The following ST6GAL1 variants were observed in gnomAD, a reference collection of about 807,000 sequenced individuals.
ST6GAL1 encodes ST6 beta-galactoside alpha-2,6-sialyltransferase 1, also known as beta-galactoside alpha-2,6-sialyltransferase 1.
ST6GAL1 carries 20 observed loss-of-function variants against 38.0 expected under a neutral mutation model. That is an observed-to-expected ratio of 0.53 (90% CI 0.37 to 0.77). The LOEUF (loss-of-function observed/expected upper bound fraction) is 0.77. Ranked by LOEUF, ST6GAL1 falls within the 30% of genes least tolerant of loss-of-function variation. The pLI is 0.00. For missense variants in ST6GAL1, 432 were observed against 496.4 expected (o/e 0.87, Z 1.23); for synonymous variants, 196 against 188.2 (o/e 1.04, Z -0.34).
At chr3:186,960,439 G>A (rs989839032) in intron 1 of ST6GAL1, among the ~76,000 whole-genome samples, 1 of 152,198 alleles carries the variant, frequency 6.6e-6, no homozygotes, top group Non-Finnish European at 1.5e-5. Flanking sequence ...GGAAAGTAGA[G>A]AGACCAAATC....
In ST6GAL1 at chr3:186,972,948, G is replaced by A. The variant is rs553661231; in HGVS notation, c.-183+9022G>A. 3.9e-5 allele frequency among the ~76,000 whole-genome samples: 6 copies of A among 152,292 alleles called. No individual in the cohort carries two copies. In the South Asian group the frequency reaches 1.2e-3, roughly 32 times the overall value. On this transcript the variant is annotated intron_variant, in intron 2 of 7. Transcript: ENST00000169298. The stretch of plus-strand genomic sequence containing the variant: ...TTCCAGGGGGAATGGAGAGGTCTTT[G>A]GAGACCTGCATTGGCCATGGGCTCC...
At position 187,075,163 on chromosome 3, in the gene ST6GAL1, A is replaced by C. The variant is rs982079035; in HGVS notation, c.980-399A>C. ...TCCAAGAGGTTCTGCAGGATGTCACAGTGCTAGAAAGTGCTAACTACACAT... is the reference window on the plus strand; with the variant it reads ...TCCAAGAGGTTCTGCAGGATGTCACCGTGCTAGAAAGTGCTAACTACACAT... On this transcript the variant is annotated intron_variant, in intron 7 of 7. Coordinates refer to ENST00000169298, the MANE Select transcript of ST6GAL1 (RefSeq NM_173216.2). The surrounding 1 kb of genome is among the most constrained non-coding windows in gnomAD (Gnocchi z 4.1). 1.3e-5 allele frequency among the ~76,000 whole-genome samples: 2 copies of C among 152,230 alleles called. No individual in the cohort carries two copies. Among genetic ancestry groups the C allele is most frequent in the Admixed American group, 6.5e-5 (1 of 15,284 alleles).
chr3:186,977,367 G>A (rs147250858), intron 2 of ST6GAL1, among the ~76,000 whole-genome samples: 33 of 152,316 alleles, frequency 2.2e-4, no homozygotes, highest in African/African-American at 7.7e-4. Context: ...GGCTTCCTCT[G>A]CCCTAAGCCC....
intron 4 of ST6GAL1, among the ~76,000 whole-genome samples, chr3:187,046,198 A>G (rs1718290027): frequency 6.6e-6 from 1 of 152,204 alleles, no homozygotes; most frequent in South Asian, 2.1e-4. Context: ...ACCTTACCTG[A>G]GAGGGCTCAT....
chr3:187,041,400 G>A (rs79473458), intron 3 of ST6GAL1, among the ~76,000 whole-genome samples: 16,597 of 152,170 alleles, frequency 0.11, 1,373 homozygotes, highest in African/African-American at 0.23. Flanking sequence ...ATTTATTATT[G>A]TAAATAAACC....
At chr3:186,994,773 G>A (rs1178269128) in intron 2 of ST6GAL1, among the ~76,000 whole-genome samples, 2 of 151,874 alleles carry the variant, frequency 1.3e-5, no homozygotes, top group Admixed American at 6.6e-5. Context: ...ATGAAACTCC[G>A]TTTCTACTAA....
intron 1 of ST6GAL1, among the ~76,000 whole-genome samples, chr3:186,946,244 C>T (rs930074180): frequency 5.0e-4 from 75 of 151,224 alleles, no homozygotes; most frequent in African/African-American, 1.1e-3. Flanking sequence ...ACCCAGGAAG[C>T]GGAGGTTGCA....
rs1718645977 is a variant in ST6GAL1 at position 187,055,049 on chromosome 3, T to C, written c.705+3703T>C. Reference sequence around the variant, plus strand: ...GGGAGGGTGTATGTGTCCAGGAATTTATCCATTTCTTCTAGATTTTCTAGT... The same window carrying C: ...GGGAGGGTGTATGTGTCCAGGAATTCATCCATTTCTTCTAGATTTTCTAGT... On this transcript the variant is annotated intron_variant, in intron 5 of 7. Coordinates refer to ENST00000169298, the MANE Select transcript of ST6GAL1 (RefSeq NM_173216.2). 2.6e-5 allele frequency among the ~76,000 whole-genome samples: 4 copies of C among 152,316 alleles called. No homozygotes were observed. The South Asian group carries it at 8.3e-4, about 32-fold the overall frequency.
intron 2 of ST6GAL1, among the ~76,000 whole-genome samples, chr3:187,000,545 A>G (rs889638052): frequency 6.6e-6 from 1 of 152,148 alleles, no homozygotes; most frequent in Non-Finnish European, 1.5e-5. Context: ...CTGGGTGACA[A>G]GATCGAGACT....
At chr3:187,005,269 C>CTTTTTTT (rs58085172) in intron 2 of ST6GAL1, among the ~76,000 whole-genome samples, 16 of 103,928 alleles carry the variant, frequency 1.5e-4, no homozygotes, top group Admixed American at 2.2e-4. Context: ...TTTTCTTTTT[C>CTTTTTTT]TTTTTTTTTT....
chr3:186,987,200 G>GAGGGAGGGAGGGA (rs1553821932), intron 2 of ST6GAL1, among the ~76,000 whole-genome samples: 3 of 138,658 alleles, frequency 2.2e-5, no homozygotes, highest in Admixed American at 7.5e-5. Flanking sequence ...GGGAGGGAGG[G>GAGGGAGGGAGGGA]AAGGAAAGAA....
chr3:187,028,398 A>C (rs1416924871), intron 2 of ST6GAL1, among the ~76,000 whole-genome samples: 1 of 152,220 alleles, frequency 6.6e-6, no homozygotes, highest in Non-Finnish European at 1.5e-5. Flanking sequence ...CTAAGAAGAA[A>C]GGAGTTTGAA....
intron 2 of ST6GAL1, among the ~76,000 whole-genome samples, chr3:187,015,451 T>C: frequency 6.6e-6 from 1 of 152,190 alleles, no homozygotes; most frequent in African/African-American, 2.4e-5. Flanking sequence ...GCACATTCAC[T>C]GAAAATCACT....
chr3:187,075,780 G>T lies in ST6GAL1; in HGVS notation c.1198G>T (p.Gly400Cys), dbSNP rs1335673967. 1 of 1,614,100 alleles carries T rather than the reference G, an allele frequency of 6.2e-7. No homozygotes were observed. Among genetic ancestry groups the T allele is most frequent in the African/African-American group, 1.3e-5 (1 of 74,934 alleles). Residue 400 changes from glycine to cysteine, a missense_variant, in exon 8 of 8, where the codon GGC becomes TGC. By Grantham distance (159) the Gly-to-Cys change is radical. Transcript: ENST00000169298. The surrounding 1 kb of genome is among the most constrained non-coding windows in gnomAD (Gnocchi z 4.1). Reference sequence around the variant, plus strand: ...CCTGCTTGGAAAAGCCACACTGCCTGGCTTCCGGACCATTCACTGCTAAGC... The same window carrying T: ...CCTGCTTGGAAAAGCCACACTGCCTTGCTTCCGGACCATTCACTGCTAAGC... ...IYLLGKATLP[G>C]FRTIHC is the part of the protein sequence containing the mutation.
intron 1 of ST6GAL1, among the ~76,000 whole-genome samples, chr3:186,956,020 A>G (rs1184204600): frequency 6.6e-6 from 1 of 151,968 alleles, no homozygotes; most frequent in Non-Finnish European, 1.5e-5. Context: ...TCAGAGTAAC[A>G]CAGCTTGCTA....
Position 187,048,087 on chromosome 3 carries a change from C to T in ST6GAL1, c.608-3162C>T, listed in dbSNP as rs573881167. Among the ~76,000 whole-genome samples, 12 of 152,000 alleles carry T rather than the reference C, an allele frequency of 7.9e-5. No homozygotes were observed. The East Asian group carries it at 9.7e-4, about 12-fold the overall frequency. On this transcript the variant is annotated intron_variant, in intron 4 of 7. Coordinates refer to ENST00000169298, the MANE Select transcript of ST6GAL1 (RefSeq NM_173216.2). Reference sequence around the variant, plus strand: ...CCTCCCGAGTAGCTGGGATTACAGGCGCCTGCCACCATACTCGGCTAATTT... The same window carrying T: ...CCTCCCGAGTAGCTGGGATTACAGGTGCCTGCCACCATACTCGGCTAATTT...
chr3:186,972,251 CTTT>C (rs879574606), intron 2 of ST6GAL1, among the ~76,000 whole-genome samples: 2 of 145,244 alleles, frequency 1.4e-5, no homozygotes. Flanking sequence ...TTCTTACTTT[CTTT>C]TTTTTTTTTT....
intron 5 of ST6GAL1, among the ~76,000 whole-genome samples, chr3:187,066,601 C>CGTGTGCGT (rs1553836654): frequency 1.6e-4 from 24 of 148,730 alleles, no homozygotes; most frequent in Non-Finnish European, 2.7e-4. Flanking sequence ...TGCGTGCGTG[C>CGTGTGCGT]GTGTGTGTGT....
intron 1 of ST6GAL1, among the ~76,000 whole-genome samples, chr3:186,949,385 G>A (rs956350873): frequency 6.6e-6 from 1 of 152,214 alleles, no homozygotes; most frequent in Non-Finnish European, 1.5e-5. Flanking sequence ...GGCTGGCCTT[G>A]GGCCTGAGCT....
Sources: gnomAD v4.1 joint callset for allele counts (sites outside exome capture counted in the v4.1 genomes callset) on GRCh38, gnomAD v4.1.1 for gene constraint, Gnocchi (gnomAD v3.1) non-coding constraint, MANE v1.5 for transcripts, NCBI Gene and HGNC (gene_info 2026-07-23, HGNC 2026-07-21) for gene names.